SPAG1: variants seen among roughly 807,000 people sequenced by gnomAD.
SPAG1 encodes sperm-associated antigen 1.
A neutral mutation model predicts 100.5 loss-of-function variants in SPAG1; 69 were observed. The ratio of observed to expected loss-of-function variants is 0.69; its 90% confidence interval spans 0.57 to 0.84. The LOEUF (loss-of-function observed/expected upper bound fraction) is 0.84, where lower values mean the gene tolerates loss of function less well. Ranked by LOEUF, SPAG1 falls within the 40% of genes least tolerant of loss-of-function variation. The pLI is 0.00. For missense variants in SPAG1, 955 were observed against 1,133.1 expected, an observed-to-expected ratio of 0.84 and a Z score of 2.26; for synonymous variants, 336 against 411.6, an observed-to-expected ratio of 0.82 and a Z score of 2.22.
At chr8:100,194,449 C>T in intron 10 of SPAG1, 181 bp downstream of exon 10, 2 of 813,418 alleles carry the variant, frequency 2.5e-6, no homozygotes, top group South Asian at 1.8e-5. Flanking sequence ...TCTCTCAAAC[C>T]CATTTTCCTT....
rs556744839 is a variant in SPAG1, at chr8:100,217,000, A to C, written c.1535+3082A>C. On this transcript the variant is annotated intron_variant, in intron 12 of 18. Transcript: ENST00000388798. ...CCCCGAGGCTGGAGTGCAGTGGCGC[A>C]ATCTCAGCTCATTGCAACCTCTGCC... 3.7e-5 allele frequency among the ~76,000 whole-genome samples: 5 copies of C among 136,214 alleles called. No individual in the cohort carries two copies. The South Asian group carries it at 1.1e-3, about 30-fold the overall frequency. 89.4% of individuals were successfully genotyped at this position (136,214 alleles called of 152,430 possible).
rs1424915325 is a variant in SPAG1 at position 100,213,104 on chromosome 8, G to A, written c.1111G>A (p.Ala371Thr). The part of the protein sequence containing the change: ...GGGDKKPAEP[A>T]GAARAAQPCV... ...CTTCCTCACAGAGCCCGCGGAGCCG[G>A]CGGGAGCCGCGCGCGCCGCCCAGCC... Residue 371 changes from alanine to threonine, a missense_variant, in exon 11 of 19, where the codon GCG (alanine) becomes ACG (threonine). By Grantham distance (58) the Ala-to-Thr change is moderately conservative. Transcript: ENST00000388798. 6.8e-7 allele frequency: 1 copy of A among 1,478,654 alleles called. No homozygotes were observed. Among genetic ancestry groups the A allele is most frequent in the African/African-American group, 1.5e-5 (1 of 68,186 alleles). The allele number at this position is 1,478,654 out of a possible 1,614,324, so 91.6% of individuals were successfully genotyped here.
chr8:100,167,075 G>A (rs973890472), intron 3 of SPAG1, among the ~76,000 whole-genome samples: 1 of 152,062 alleles, frequency 6.6e-6, no homozygotes, highest in Admixed American at 6.6e-5. Flanking sequence ...TGTGCCTATA[G>A]TCCCAGTTAC....
At chr8:100,211,085 T>G (rs1483704960) in intron 10 of SPAG1, among the ~76,000 whole-genome samples, 1 of 152,036 alleles carries the variant, frequency 6.6e-6, no homozygotes, top group Admixed American at 6.6e-5. Flanking sequence ...CTCAGCTTCC[T>G]AAAGTGCTGG....
At chr8:100,225,893 C>T (rs1243743106) in intron 14 of SPAG1, among the ~76,000 whole-genome samples, 4 of 151,764 alleles carry the variant, frequency 2.6e-5, no homozygotes, top group Admixed American at 6.6e-5. Context: ...AGTCCAGTGG[C>T]GCAATCACGG....
Position 100,191,422 on chromosome 8 carries a change from C to T in SPAG1, c.865C>T (p.Gln289Ter), listed in dbSNP as rs1397861467. ...GCGTCGTGCTACTACATATAAACAT[C>T]AAAACAAGCTCCGGGAAGCTACAGA... ...LLRRATTYKHQNKLREATEDL... is the reference protein window; with the variant it reads ...LLRRATTYKH The change falls in exon 9 of 19, where the codon CAA (glutamine) becomes TAA (stop). Residue 289 changes from glutamine (Q) to a stop codon, truncating the protein, a stop_gained. Transcript: ENST00000388798. LOFTEE classifies it high-confidence loss of function. 1.2e-6 allele frequency: 2 copies of T among 1,613,752 alleles called. No homozygotes were observed. The highest frequency in any genetic ancestry group is 2.2e-5 in the East Asian group (1 of 44,870).
chr8:100,168,704 T>TTTTTTTTTTTTTTG (rs1815683125), intron 3 of SPAG1, among the ~76,000 whole-genome samples: 1 of 144,626 alleles, frequency 6.9e-6, no homozygotes, highest in African/African-American at 2.6e-5. Flanking sequence ...TTTTTGTTGT[T>TTTTTTTTTTTTTTG]GAGACAGAGC....
rs1027428925 is a variant in SPAG1, at chr8:100,241,544, T to G, written c.*522T>G. 1 of 152,218 alleles carries G rather than the reference T, an allele frequency of 6.6e-6. No homozygotes were observed. The allele number at this position is 152,218 out of a possible 1,614,324, so 9.4% of individuals were successfully genotyped here. On this transcript the variant is annotated 3_prime_UTR_variant, in exon 19 of 19. Coordinates refer to ENST00000388798, the MANE Select transcript of SPAG1 (RefSeq NM_003114.5). This position sits in a 1 kb window ranked among gnomAD's most constrained non-coding sequence, Gnocchi z 5.1. ...AACATGAAATGATTATTAAATTGTT[T>G]ATTAATTTAGAGCTATAAGAGGAAC...
chr8:100,190,085 C>T (rs1367566994), intron 8 of SPAG1, among the ~76,000 whole-genome samples: 3 of 151,958 alleles, frequency 2.0e-5, no homozygotes, highest in East Asian at 3.9e-4. Context: ...TTGGGGCAGG[C>T]GGATCACGAG....
intron 13 of SPAG1, among the ~76,000 whole-genome samples, chr8:100,224,445 GGTAGGAGAA>G (rs1818418261): frequency 6.6e-6 from 1 of 152,152 alleles, no homozygotes; most frequent in Non-Finnish European, 1.5e-5. Flanking sequence ...GGGGGGCTGA[GGTAGGAGAA>G]CTGCCTGAAC....
chr8:100,225,901 C>T (rs992689457), intron 14 of SPAG1, among the ~76,000 whole-genome samples: 3 of 151,750 alleles, frequency 2.0e-5, no homozygotes, highest in Non-Finnish European at 2.9e-5. Flanking sequence ...GGCGCAATCA[C>T]GGTTCACTGC....
chr8:100,236,737 C>A (rs2132436727), intron 16 of SPAG1, among the ~76,000 whole-genome samples: 1 of 152,198 alleles, frequency 6.6e-6, no homozygotes, highest in South Asian at 2.1e-4. Flanking sequence ...CAATTTATTT[C>A]TCTTATTGAG....
At chr8:100,183,257 G>T in intron 4 of SPAG1, 118 bp from the exon 5 acceptor site, 1 of 536,044 alleles carries the variant, frequency 1.9e-6, no homozygotes, top group Non-Finnish European at 3.4e-6. Flanking sequence ...ACAGGCGTGA[G>T]TCCCCGCACC....
chr8:100,199,281 G>A lies in SPAG1; in HGVS notation c.1096+5013G>A, dbSNP rs566676810. On this transcript the variant is annotated intron_variant, in intron 10 of 18. Transcript: ENST00000388798. ...TACATATTTGCCAGCACTTGTTATTGTCTGCCTTTTTGGCTATAGCCATCT... is the reference window on the plus strand; with the variant it reads ...TACATATTTGCCAGCACTTGTTATTATCTGCCTTTTTGGCTATAGCCATCT... 2.0e-5 allele frequency among the ~76,000 whole-genome samples: 3 copies of A among 152,286 alleles called. No homozygotes were observed. In the East Asian group the frequency reaches 5.8e-4, roughly 29 times the overall value.
intron 10 of SPAG1, among the ~76,000 whole-genome samples, chr8:100,201,747 C>T (rs773097772): frequency 8.5e-5 from 13 of 152,082 alleles, no homozygotes; most frequent in Non-Finnish European, 1.9e-4. Flanking sequence ...AGACCCTCCC[C>T]AGAGAGGGTC....
At chr8:100,160,744 A>T (rs996217452) in intron 1 of SPAG1, among the ~76,000 whole-genome samples, 2 of 152,200 alleles carry the variant, frequency 1.3e-5, no homozygotes, top group African/African-American at 4.8e-5. Flanking sequence ...GGCAAGTTAC[A>T]GAAAGGATGT....
At chr8:100,226,286 C>T (rs572370788) in intron 14 of SPAG1, among the ~76,000 whole-genome samples, 1 of 152,248 alleles carries the variant, frequency 6.6e-6, no homozygotes, top group South Asian at 2.1e-4. Flanking sequence ...CATGAGCCAC[C>T]ATGCGTGGTT....
chr8:100,172,563 T>A lies in SPAG1; in HGVS notation c.301-5253T>A, dbSNP rs550785407. Among the ~76,000 whole-genome samples, 20 of 151,852 alleles carry A rather than the reference T, an allele frequency of 1.3e-4. No homozygotes were observed. The East Asian group carries it at 3.7e-3, about 28-fold the overall frequency. ...TGAACCCAGGAGGTGGAGGTTGTAG[T>A]GAGCAAAGATGGCACCACTGTACTC... is the stretch of plus-strand genomic sequence containing the variant. On this transcript the variant is annotated intron_variant, in intron 3 of 18. Coordinates refer to ENST00000388798, the MANE Select transcript of SPAG1 (RefSeq NM_003114.5).
chr8:100,239,196 C>T lies in SPAG1; in HGVS notation c.2116-44C>T, dbSNP rs114835012. 1.6e-3 allele frequency: 2,066 copies of T among 1,310,976 alleles called. 30 individuals are homozygous for T. The African/African-American group carries it at 0.026, about 17-fold the overall frequency. The allele number at this position is 1,310,976 out of a possible 1,614,324, so 81.2% of individuals were successfully genotyped here. ...ACTCCCACTCAGGTTACTCTAGGCT[C>T]CTTCTATTTATGAAAGTTATTTTCT... is the stretch of plus-strand genomic sequence containing the variant. On this transcript the variant is annotated intron_variant, in intron 16 of 18. Transcript: ENST00000388798. The surrounding 1 kb of genome is among the most constrained non-coding windows in gnomAD (Gnocchi z 5.0).
Sources: allele counts gnomAD v4.1 joint callset (sites outside exome capture counted in the v4.1 genomes callset), GRCh38; gene constraint gnomAD v4.1.1; non-coding constraint Gnocchi (gnomAD v3.1); transcripts MANE v1.5; gene names NCBI Gene and HGNC (gene_info 2026-07-23, HGNC 2026-07-21).